The following FUNDC2 variants were observed in gnomAD, a reference collection of about 807,000 sequenced individuals.
FUNDC2 encodes the protein FUN14 domain-containing protein 2.
FUNDC2 carries 4 observed loss-of-function variants against 15.6 expected under a neutral mutation model. The ratio of observed to expected loss-of-function variants is 0.26; its 90% CI spans 0.13 to 0.59. The LOEUF (loss-of-function observed/expected upper bound fraction) is 0.59, where lower values mean the gene tolerates loss of function less well. Among genes scored for constraint, FUNDC2 ranks in the 20% least tolerant of loss-of-function variants. FUNDC2 has a pLI of 0.90. For missense variants in FUNDC2, 98 were observed against 149.7 expected, an observed-to-expected ratio of 0.65 and a Z score of 1.80; for synonymous variants, 44 against 56.9, an observed-to-expected ratio of 0.77 and a Z score of 1.02.
At chrX:155,027,209 G>T (rs1187420475) in intron 1 of FUNDC2, 138 bp downstream of exon 1, 5 of 685,834 alleles carry the variant, frequency 7.3e-6, no homozygotes, top group Non-Finnish European at 7.8e-6. Flanking sequence ...GAGGGCGCTC[G>T]GGGATCGCCC....
rs1175079092 is a variant in FUNDC2, at chrX:155,042,175, C to CTTTTTTTTTTTTTTTTTTT, written c.285-4323_285-4305dup. 1.8e-4 allele frequency among the ~76,000 whole-genome samples: 7 copies of CTTTTTTTTTTTTTTTTTTT among 39,200 alleles called. 2 individuals carry two copies. The highest frequency in any genetic ancestry group is 5.2e-4 in the African/African-American group (4 of 7,643). The allele number at this position is 39,200 out of a possible 115,157, so 34.0% of individuals were successfully genotyped here. On this transcript the variant is annotated intron_variant, in intron 2 of 4. Coordinates refer to ENST00000369498, the MANE Select transcript of FUNDC2 (RefSeq NM_023934.4). ...CCTTGCTATAGTTTTCTTTTTCTATCTTTTTTTTTTTTTTTTTTTTTTTTT... is the reference window on the plus strand; with the variant it reads ...CCTTGCTATAGTTTTCTTTTTCTATCTTTTTTTTTTTTTTTTTTTTTTTTTTTTTTTTTTTTTTTTTTTT...
Position 155,055,501 on chromosome X carries a change from A to G in FUNDC2, c.*829A>G, listed in dbSNP as rs1557290797. The stretch of plus-strand genomic sequence containing the variant: ...AACATTTAAACCGGAATTTTAAAGA[A>G]GTAGCTTTCCAGGGATTCAGAATTA... On this transcript the variant is annotated 3_prime_UTR_variant, in exon 5 of 5. Transcript: ENST00000369498. 1 of 285,521 alleles carries G rather than the reference A, an allele frequency of 3.5e-6. No individual in the cohort carries two copies. Among genetic ancestry groups the G allele is most frequent in the Non-Finnish European group, 6.1e-6 (1 of 164,242 alleles). 23.5% of individuals were successfully genotyped at this position (285,521 alleles called of 1,213,427 possible). A position where few individuals can be genotyped will look rare whatever the true frequency, so the allele number is the denominator to read the frequency against.
chrX:155,052,777 C>T (rs782016939), intron 4 of FUNDC2, among the ~76,000 whole-genome samples: 22 of 112,391 alleles, frequency 2.0e-4, no homozygotes, highest in Non-Finnish European at 3.2e-4. Flanking sequence ...CCTTCTGTCT[C>T]TCCTCAAAGT....
In FUNDC2 at chrX:155,054,941, C is replaced by A. The variant is rs1557290758; in HGVS notation, c.*269C>A. 4 of 375,640 alleles carry A rather than the reference C, an allele frequency of 1.1e-5. No individual in the cohort carries two copies. Among genetic ancestry groups the A allele is most frequent in the Non-Finnish European group, 1.8e-5 (4 of 216,815 alleles). The allele number at this position is 375,640 out of a possible 1,213,427, so 31.0% of individuals were successfully genotyped here. ...GGCCAACAAGAAGGTTCCTTTACCC[C>A]CATGCAAGACACTTATGAGAACACA... On this transcript the variant is annotated 3_prime_UTR_variant, in exon 5 of 5. Coordinates refer to ENST00000369498, the MANE Select transcript of FUNDC2 (RefSeq NM_023934.4).
chrX:155,028,096 A>T (rs781836244), intron 1 of FUNDC2, among the ~76,000 whole-genome samples: 9 of 111,641 alleles, frequency 8.1e-5, no homozygotes, highest in Admixed American at 1.9e-4. Flanking sequence ...ATAGACTTTT[A>T]TAAGAGCAGA....
At chrX:155,028,055 T>TTATAGACTTTTATAAGAGCAGACTGCTCC (rs2073801004) in intron 1 of FUNDC2, among the ~76,000 whole-genome samples, 1 of 111,385 alleles carries the variant, frequency 9.0e-6, no homozygotes, top group Non-Finnish European at 1.9e-5. Flanking sequence ...CAGACTGCTC[T>TTATAGACTTTTATAAGAGCAGACTGCTCC]TATAGACTTT....
At chrX:155,037,804 G>A (rs1434743640) in intron 2 of FUNDC2, among the ~76,000 whole-genome samples, 1 of 111,427 alleles carries the variant, frequency 9.0e-6, no homozygotes, top group Non-Finnish European at 1.9e-5. Flanking sequence ...ATGTAAAGTA[G>A]GTTTCTTGTA....
rs782030237 is a variant in FUNDC2, at chrX:155,051,586, GA to G, written c.361-83del. The G allele has an allele frequency of 8.7e-6, 9 of 1,034,242 alleles. No homozygotes were observed. The South Asian group carries it at 1.7e-4, about 20-fold the overall frequency. The allele number at this position is 1,034,242 out of a possible 1,213,427, so 85.2% of individuals were successfully genotyped here. On this transcript the variant is annotated intron_variant, in intron 3 of 4. Transcript: ENST00000369498. ...AAAATGGAAAGTCAGAGGGTTTCGAGAGTCTACTTCAGGATTTATCCTGACT... is the reference window on the plus strand; with the variant it reads ...AAAATGGAAAGTCAGAGGGTTTCGAGGTCTACTTCAGGATTTATCCTGACT...
intron 2 of FUNDC2, 76 bp downstream of exon 2, chrX:155,033,629 T>C (rs782075495): frequency 8.1e-4 from 808 of 995,702 alleles, no homozygotes; most frequent in Middle Eastern, 1.1e-3. Context: ...TCATCTCCTT[T>C]AACCAGTGAA....
Position 155,038,858 on chromosome X carries a change from C to A in FUNDC2, c.284+5305C>A, listed in dbSNP as rs188568828. Among the ~76,000 whole-genome samples the A allele has an allele frequency of 1.3e-3, 141 of 112,227 alleles. 1 individual carries two copies. Among genetic ancestry groups the A allele is most frequent in the African/African-American group, 3.9e-3 (119 of 30,882 alleles). On this transcript the variant is annotated intron_variant, in intron 2 of 4. Coordinates refer to ENST00000369498, the MANE Select transcript of FUNDC2 (RefSeq NM_023934.4). ...TGACTTCATATCCTTTGGCTGTATA[C>A]CCAGTAGTGTGATTGCTGAATCATA...
At chrX:155,027,171 C>T (rs1161530120) in intron 1 of FUNDC2, 100 bp downstream of exon 1, 3 of 907,696 alleles carry the variant, frequency 3.3e-6, no homozygotes, top group Non-Finnish European at 4.2e-6. Flanking sequence ...CCGAGCTCCC[C>T]GGGGAGTCCA....
chrX:155,032,206 C>A (rs2073817431), intron 1 of FUNDC2, among the ~76,000 whole-genome samples: 1 of 109,989 alleles, frequency 9.1e-6, no homozygotes, highest in Non-Finnish European at 1.9e-5. Flanking sequence ...AAACTCCTGA[C>A]CTCAGGTGAT....
intron 1 of FUNDC2, among the ~76,000 whole-genome samples, chrX:155,027,559 G>A (rs1365696727): frequency 8.9e-6 from 1 of 112,165 alleles, no homozygotes; most frequent in Non-Finnish European, 1.9e-5. Context: ...AGTGGAGCAC[G>A]TCTTTAAGTT....
chrX:155,034,867 T>G (rs2073826403), intron 2 of FUNDC2, among the ~76,000 whole-genome samples: 1 of 111,657 alleles, frequency 9.0e-6, no homozygotes, highest in African/African-American at 3.3e-5. Context: ...GGATCTCCTC[T>G]TTCAGTTCCA....
intron 2 of FUNDC2, among the ~76,000 whole-genome samples, chrX:155,042,948 T>C (rs1183199465): frequency 9.0e-6 from 1 of 110,837 alleles, no homozygotes; most frequent in Non-Finnish European, 1.9e-5. Flanking sequence ...GATTTGCATC[T>C]TTTTTTTTGA....
In FUNDC2 at chrX:155,055,357, GA is replaced by G; in HGVS notation, c.*689del. ...GAAGATTTTGGATTTTTATTTTGTAGAAAAGGTTTTAAGCTTTGAAATGTGA... is the reference window on the plus strand; with the variant it reads ...GAAGATTTTGGATTTTTATTTTGTAGAAAGGTTTTAAGCTTTGAAATGTGA... On this transcript the variant is annotated 3_prime_UTR_variant, in exon 5 of 5. Coordinates refer to ENST00000369498, the MANE Select transcript of FUNDC2 (RefSeq NM_023934.4). 1 of 296,575 alleles carries G rather than the reference GA, an allele frequency of 3.4e-6. No individual in the cohort carries two copies. Among genetic ancestry groups the G allele is most frequent in the East Asian group, 4.8e-5 (1 of 21,025 alleles). 24.4% of individuals were successfully genotyped at this position (296,575 alleles called of 1,213,427 possible).
Position 155,054,839 on chromosome X carries a change from C to A in FUNDC2, c.*167C>A. On this transcript the variant is annotated 3_prime_UTR_variant, in exon 5 of 5. Coordinates refer to ENST00000369498, the MANE Select transcript of FUNDC2 (RefSeq NM_023934.4). ...CTGCTGGTACAAGTCAATGTGGCAC[C>A]ATGAGCTTCATGGTGGCAGAAGAGA... 1 of 462,472 alleles carries A rather than the reference C, an allele frequency of 2.2e-6. No individual in the cohort carries two copies. The highest frequency in any genetic ancestry group is 3.3e-5 in the South Asian group (1 of 29,977). The allele number at this position is 462,472 out of a possible 1,213,427, so 38.1% of individuals were successfully genotyped here. A position where few individuals can be genotyped will look rare whatever the true frequency, so the allele number is the denominator to read the frequency against.
At chrX:155,048,664 C>T (rs1304945294) in intron 3 of FUNDC2, among the ~76,000 whole-genome samples, 1 of 112,554 alleles carries the variant, frequency 8.9e-6, no homozygotes, top group Non-Finnish European at 1.9e-5. Context: ...AAATTTTTAT[C>T]GGAATTGCAT....
In FUNDC2 at chrX:155,029,736, A is replaced by G. The variant is rs1371452095; in HGVS notation, c.133+2665A>G. 1.1e-4 allele frequency among the ~76,000 whole-genome samples: 11 copies of G among 101,205 alleles called. No individual in the cohort carries two copies. In the East Asian group the frequency reaches 2.8e-3, roughly 26 times the overall value. The allele number at this position is 101,205 out of a possible 115,157, so 87.9% of individuals were successfully genotyped here. ...TCATTGCACTCCAGCCTGGGCAAAA[A>G]GAGCAAAACTCTATCTCAAAAAAAA... On this transcript the variant is annotated intron_variant, in intron 1 of 4. Transcript: ENST00000369498.
Sources: gnomAD v4.1 joint callset for allele counts (sites outside exome capture counted in the v4.1 genomes callset) on GRCh38, gnomAD v4.1.1 for gene constraint, MANE v1.5 for transcripts, NCBI Gene and HGNC (gene_info 2026-07-23, HGNC 2026-07-21) for gene names.